The following HTR3A variants were observed in gnomAD, a reference collection of about 807,000 sequenced individuals.
HTR3A encodes 5-hydroxytryptamine receptor 3A.
Under a neutral mutation model 54.8 loss-of-function variants are expected in HTR3A, and 45 were observed. The observed-to-expected ratio is 0.82, with a 90% CI of 0.65 to 1.05. The LOEUF (loss-of-function observed/expected upper bound fraction) is 1.05, where lower values mean the gene tolerates loss of function less well. HTR3A is among the 50% of genes least tolerant of loss of function. HTR3A has a pLI of 0.00. For synonymous variants in HTR3A, 297 were observed against 256.0 expected (o/e 1.16, Z -1.53); for missense variants, 657 against 614.0 (o/e 1.07, Z -0.74).
chr11:113,985,619 A>C (rs552255491), intron 5 of HTR3A, among the ~76,000 whole-genome samples: 1 of 152,280 alleles, frequency 6.6e-6, no homozygotes, highest in East Asian at 1.9e-4. Context: ...ATCAAGGCAA[A>C]GGTGAAGAAT....
intron 1 of HTR3A, among the ~76,000 whole-genome samples, chr11:113,976,249 C>A (rs1329321514): frequency 6.6e-6 from 1 of 152,066 alleles, no homozygotes; most frequent in Non-Finnish European, 1.5e-5. Context: ...TAAGTGATGA[C>A]TGTGGTCGAG....
At position 113,989,114 on chromosome 11, in the gene HTR3A, C is replaced by T. The variant is rs1425519447; in HGVS notation, c.1139-351C>T. On this transcript the variant is annotated intron_variant, in intron 8 of 8. Coordinates refer to ENST00000504030, the MANE Select transcript of HTR3A (RefSeq NM_000869.6). The surrounding 1 kb of genome is among the most constrained non-coding windows in gnomAD (Gnocchi z 4.4). ...GTGGCTCACACCTGTAATCCCAGCA[C>T]CACGGGAGGCCAAAGTAGGCGGATC... Among the ~76,000 whole-genome samples the T allele has an allele frequency of 6.6e-6, 1 of 151,896 alleles. No individual in the cohort carries two copies. The highest frequency in any genetic ancestry group is 1.5e-5 in the Non-Finnish European group (1 of 67,998).
At position 113,989,395 on chromosome 11, in the gene HTR3A, G is replaced by A. The variant is rs2137589230; in HGVS notation, c.1139-70G>A. ...CAACAAAAATTTACAGGCTATAGAAGCATAAGGAACCATGTTCAGGTCACC... is the reference window on the plus strand; with the variant it reads ...CAACAAAAATTTACAGGCTATAGAAACATAAGGAACCATGTTCAGGTCACC... On this transcript the variant is annotated intron_variant, in intron 8 of 8. Coordinates refer to ENST00000504030, the MANE Select transcript of HTR3A (RefSeq NM_000869.6). This position sits in a 1 kb window ranked among gnomAD's most constrained non-coding sequence, Gnocchi z 4.4. The A allele has an allele frequency of 6.4e-7, 1 of 1,550,648 alleles. No homozygotes were observed. Among genetic ancestry groups the A allele is most frequent in the South Asian group, 1.1e-5 (1 of 89,628 alleles).
At chr11:113,981,961 C>CAA (rs778796836) in intron 4 of HTR3A, among the ~76,000 whole-genome samples, 3 of 117,062 alleles carry the variant, frequency 2.6e-5, no homozygotes, top group Non-Finnish European at 5.5e-5. Flanking sequence ...ACTCTGTCTC[C>CAA]AAAAAAAAAA....
At position 113,977,449 on chromosome 11, in the gene HTR3A, C is replaced by G. The variant is rs1168669350; in HGVS notation, c.68-322C>G. The G allele has an allele frequency of 4.3e-6, 5 of 1,172,952 alleles. No homozygotes were observed. In the East Asian group the frequency reaches 1.4e-4, roughly 34 times the overall value. The allele number at this position is 1,172,952 out of a possible 1,614,324, so 72.7% of individuals were successfully genotyped here. ...CTCCCCAGAGGCCCTCGCTTAGGCC[C>G]CGTGGGCCACCTGCTCCGACCTTCT... On this transcript the variant is annotated intron_variant, in intron 1 of 8. Transcript: ENST00000504030.
At chr11:113,985,983 T>A (rs1020846914) in intron 5 of HTR3A, 32 bp from the exon 6 acceptor site, 2 of 1,613,454 alleles carry the variant, frequency 1.2e-6, no homozygotes, top group South Asian at 2.2e-5. Flanking sequence ...GGGTACTAGA[T>A]TCCAAAGCTG....
At chr11:113,985,889 G>A in intron 5 of HTR3A, 126 bp from the exon 6 acceptor site, 1 of 930,180 alleles carries the variant, frequency 1.1e-6, no homozygotes, top group Non-Finnish European at 1.8e-6. Flanking sequence ...GTGATGTGCT[G>A]AGGTTGAGGT....
intron 5 of HTR3A, among the ~76,000 whole-genome samples, chr11:113,984,684 G>A (rs1176715): frequency 0.24 from 37,211 of 151,982 alleles, 4,791 homozygotes; most frequent in Admixed American, 0.3. Flanking sequence ...TTTGGGAGGC[G>A]TAGGCAGGTG....
Position 113,986,438 on chromosome 11 carries a change from G to A in HTR3A, c.706-80G>A, listed in dbSNP as rs116448315. The A allele has an allele frequency of 9.9e-6, 15 of 1,516,706 alleles. No homozygotes were observed. In the Admixed American group the frequency reaches 2.4e-4, roughly 24 times the overall value. 94.0% of individuals were successfully genotyped at this position (1,516,706 alleles called of 1,614,324 possible). ...CCAGGCTGGAAGCCCCATAAAACAAGGAATCTGAGCTTGTGGGGTGGTTCC... is the reference window on the plus strand; with the variant it reads ...CCAGGCTGGAAGCCCCATAAAACAAAGAATCTGAGCTTGTGGGGTGGTTCC... On this transcript the variant is annotated intron_variant, in intron 6 of 8. Transcript: ENST00000504030.
intron 2 of HTR3A, among the ~76,000 whole-genome samples, chr11:113,978,402 A>T (rs1355371626): frequency 6.6e-6 from 1 of 152,170 alleles, no homozygotes; most frequent in Non-Finnish European, 1.5e-5. Context: ...CATTGTGCAG[A>T]GATAAACAAG....
intron 4 of HTR3A, among the ~76,000 whole-genome samples, chr11:113,982,734 A>T (rs73556695): frequency 0.069 from 10,439 of 152,248 alleles, 761 homozygotes; most frequent in Admixed American, 0.15. Context: ...TCTTTCACCA[A>T]GCCTGCCTGG....
Position 113,986,816 on chromosome 11 carries a change from G to A in HTR3A, c.917-9G>A, listed in dbSNP as rs529826350. 8.1e-5 allele frequency: 130 copies of A among 1,614,130 alleles called. 1 individual carries two copies. In the South Asian group the frequency reaches 1.4e-3, roughly 17 times the overall value. ...CATGTGTCTCTTGCCTCTGCCCTGGGCTGCACAGGTGTCTACTTTGTGGTG... is the reference window on the plus strand; with the variant it reads ...CATGTGTCTCTTGCCTCTGCCCTGGACTGCACAGGTGTCTACTTTGTGGTG... On this transcript the variant is annotated splice_polypyrimidine_tract_variant and intron_variant, in intron 7 of 8. Transcript: ENST00000504030.
intron 8 of HTR3A, 95 bp downstream of exon 8, chr11:113,987,141 C>A (rs1464100355): frequency 4.6e-6 from 6 of 1,290,970 alleles, no homozygotes; most frequent in Non-Finnish European, 6.6e-6. Flanking sequence ...CAAGGAGGTG[C>A]TGTACTGCAC....
chr11:113,985,814 G>T (rs1359173235), intron 5 of HTR3A, among the ~76,000 whole-genome samples: 1 of 152,108 alleles, frequency 6.6e-6, no homozygotes, highest in African/African-American at 2.4e-5. Flanking sequence ...TCTGCCCTCA[G>T]TGCGGCCCTG....
At chr11:113,982,052 C>A (rs1168228639) in intron 4 of HTR3A, among the ~76,000 whole-genome samples, 1 of 152,104 alleles carries the variant, frequency 6.6e-6, no homozygotes. Flanking sequence ...ATGTTCAGAC[C>A]TCCCAAGTTA....
Position 113,986,501 on chromosome 11 carries a change from C to A in HTR3A, c.706-17C>A, listed in dbSNP as rs1445219257. 8 of 1,611,324 alleles carry A rather than the reference C, an allele frequency of 5.0e-6. No individual in the cohort carries two copies. The highest frequency in any genetic ancestry group is 1.7e-5 in the Admixed American group (1 of 60,020). On this transcript the variant is annotated splice_polypyrimidine_tract_variant and intron_variant, in intron 6 of 8. Transcript: ENST00000504030. Reference sequence around the variant, plus strand: ...CTGTTTGCCCCAGGCTTCCCACAAGCTCTTCTCCGGTCCCAGGTGGTCATC... The same window carrying A: ...CTGTTTGCCCCAGGCTTCCCACAAGATCTTCTCCGGTCCCAGGTGGTCATC...
chr11:113,983,496 A>T (rs532908830), intron 5 of HTR3A, among the ~76,000 whole-genome samples: 1 of 152,330 alleles, frequency 6.6e-6, no homozygotes, highest in South Asian at 2.1e-4. Context: ...TAGAAACTTC[A>T]TATAGCACAG....
rs370402739 is a variant in HTR3A, at chr11:113,979,327, G to A, written c.264+50G>A. The stretch of plus-strand genomic sequence containing the variant: ...CCCCGTTACCCATCCTCCTGGGAAG[G>A]AGTCGGGAATTCGGGAGTTTCAGTG... On this transcript the variant is annotated intron_variant, in intron 3 of 8. Transcript: ENST00000504030. 2.7e-6 allele frequency: 4 copies of A among 1,489,972 alleles called. No homozygotes were observed. In the Admixed American group the frequency reaches 5.0e-5, roughly 19 times the overall value. 92.3% of individuals were successfully genotyped at this position (1,489,972 alleles called of 1,614,324 possible).
In HTR3A at chr11:113,986,707, G is replaced by T. The variant is rs747533474; in HGVS notation, c.895G>T (p.Ala299Ser). ...CGTTTCTGACACGCTGCCGGCCACT[G>T]CCATCGGCACTCCTCTCATTGGTAA... Reference protein sequence around the residue: ...IIVSDTLPATAIGTPLIGVYF... With the variant: ...IIVSDTLPATSIGTPLIGVYF... Residue 299 changes from alanine to serine, a missense_variant, in exon 7 of 9, where the codon GCC (alanine) becomes TCC (serine). Coordinates refer to ENST00000504030, the MANE Select transcript of HTR3A (RefSeq NM_000869.6). 6.2e-7 allele frequency: 1 copy of T among 1,614,154 alleles called. No individual in the cohort carries two copies. The highest frequency in any genetic ancestry group is 1.1e-5 in the South Asian group (1 of 91,082).
Sources: allele counts gnomAD v4.1 joint callset (sites outside exome capture counted in the v4.1 genomes callset), GRCh38; gene constraint gnomAD v4.1.1; non-coding constraint Gnocchi (gnomAD v3.1); transcripts MANE v1.5; gene names NCBI Gene and HGNC (gene_info 2026-07-23, HGNC 2026-07-21).